Variants in SLCO5A1 observed in about 807,000 individuals in gnomAD.
The protein encoded by SLCO5A1 is solute carrier organic anion transporter family member 5A1.
In SLCO5A1, 39 loss-of-function variants were observed where a neutral mutation model predicts 65.1. The ratio of observed to expected loss-of-function variants is 0.60; its 90% CI spans 0.46 to 0.78. The LOEUF is 0.78. SLCO5A1 is among the 30% of genes least tolerant of loss of function. SLCO5A1 has a pLI of 0.00. For missense variants in SLCO5A1, 1,029 were observed against 1,069.4 expected, an observed-to-expected ratio of 0.96 and a Z score of 0.53; for synonymous variants, 438 against 415.7, an observed-to-expected ratio of 1.05 and a Z score of -0.65.
chr8:69,788,189 CAATT>C (rs1819116633), intron 2 of SLCO5A1, among the ~76,000 whole-genome samples: 1 of 152,178 alleles, frequency 6.6e-6, no homozygotes, highest in South Asian at 2.1e-4. Flanking sequence ...TACACACTAA[CAATT>C]ACCCCATTAA....
At chr8:69,686,023 A>G (rs1422390491) in intron 6 of SLCO5A1, among the ~76,000 whole-genome samples, 1 of 152,136 alleles carries the variant, frequency 6.6e-6, no homozygotes, top group Non-Finnish European at 1.5e-5. Flanking sequence ...ACCCTACCCC[A>G]AGATCTAAAG....
intron 3 of SLCO5A1, among the ~76,000 whole-genome samples, chr8:69,756,632 A>C (rs1230192872): frequency 1.3e-5 from 2 of 152,252 alleles, no homozygotes; most frequent in Admixed American, 6.5e-5. Flanking sequence ...ACCAAAATTC[A>C]GAGAGGGGAA....
chr8:69,756,214 G>C (rs1276237714), intron 3 of SLCO5A1, among the ~76,000 whole-genome samples: 1 of 152,158 alleles, frequency 6.6e-6, no homozygotes, highest in Non-Finnish European at 1.5e-5. Flanking sequence ...AGACCAGCCT[G>C]GCCAACATGG....
intron 5 of SLCO5A1, among the ~76,000 whole-genome samples, chr8:69,736,196 C>T (rs1313667514): frequency 6.6e-6 from 1 of 152,216 alleles, no homozygotes; most frequent in Non-Finnish European, 1.5e-5. Flanking sequence ...ACTTTCCTGG[C>T]CAAGTGGGAC....
At chr8:69,696,974 C>A (rs1267025974) in intron 6 of SLCO5A1, among the ~76,000 whole-genome samples, 3 of 151,838 alleles carry the variant, frequency 2.0e-5, no homozygotes. Flanking sequence ...CAAAAGCATG[C>A]AATATGAGAG....
intron 5 of SLCO5A1, among the ~76,000 whole-genome samples, chr8:69,735,716 T>C (rs1034698021): frequency 1.3e-5 from 2 of 152,060 alleles, no homozygotes; most frequent in African/African-American, 4.8e-5. Context: ...CTAATGCATG[T>C]GGGGCTTAAT....
chr8:69,774,665 A>T (rs1026328424), intron 2 of SLCO5A1, among the ~76,000 whole-genome samples: 1 of 152,186 alleles, frequency 6.6e-6, no homozygotes, highest in African/African-American at 2.4e-5. Context: ...GTCCAGTCTC[A>T]GGGTCTGGGA....
intron 6 of SLCO5A1, among the ~76,000 whole-genome samples, chr8:69,688,332 A>T (rs528463015): frequency 1.1e-3 from 164 of 150,856 alleles, no homozygotes; most frequent in African/African-American, 3.1e-3. Flanking sequence ...TGGTGCTAAA[A>T]TTTTTTTTTT....
intron 2 of SLCO5A1, among the ~76,000 whole-genome samples, chr8:69,814,160 G>A (rs899729381): frequency 6.6e-6 from 1 of 152,104 alleles, no homozygotes; most frequent in Non-Finnish European, 1.5e-5. Context: ...GACCCCAAAA[G>A]TGCAGGCAAC....
chr8:69,683,797 G>A (rs373538380), intron 6 of SLCO5A1, among the ~76,000 whole-genome samples: 26 of 152,126 alleles, frequency 1.7e-4, no homozygotes, highest in African/African-American at 4.3e-4. Flanking sequence ...TCCTAACCTC[G>A]TGATCCACTC....
At chr8:69,712,258 G>T (rs966626070) in intron 5 of SLCO5A1, among the ~76,000 whole-genome samples, 1 of 152,094 alleles carries the variant, frequency 6.6e-6, no homozygotes, top group Non-Finnish European at 1.5e-5. Flanking sequence ...GACATTAATT[G>T]TCCTACTTTC....
Position 69,810,102 on chromosome 8 carries a change from G to C in SLCO5A1, c.907+21665C>G, listed in dbSNP as rs115701375. On this transcript the variant is annotated intron_variant, in intron 2 of 9. Transcript: ENST00000260126. The stretch of plus-strand genomic sequence containing the variant: ...TCTGATTTCCATGCCAGGACAAAAA[G>C]GTTCCAGTGCCCCAGGCCCAGGTGG... Among the ~76,000 whole-genome samples, 1,432 of 152,248 alleles carry C rather than the reference G, an allele frequency of 9.4e-3. 21 individuals are homozygous for C. The highest frequency in any genetic ancestry group is 0.032 in the African/African-American group (1,342 of 41,538).
chr8:69,772,299 T>G (rs1176471247), intron 2 of SLCO5A1, among the ~76,000 whole-genome samples: 1 of 151,850 alleles, frequency 6.6e-6, no homozygotes, highest in Non-Finnish European at 1.5e-5. Flanking sequence ...GGCAGGAGGA[T>G]CATTTGAGTC....
intron 5 of SLCO5A1, among the ~76,000 whole-genome samples, chr8:69,716,887 C>G (rs961401647): frequency 6.6e-6 from 1 of 151,744 alleles, no homozygotes; most frequent in African/African-American, 2.4e-5. Flanking sequence ...CCAAGCAATT[C>G]TCCCTCCTCA....
intron 5 of SLCO5A1, among the ~76,000 whole-genome samples, chr8:69,710,801 G>C (rs141820963): frequency 1.8e-3 from 272 of 152,178 alleles, no homozygotes; most frequent in Non-Finnish European, 3.1e-3. Context: ...ACACCAAACA[G>C]AGTGAAGACC....
chr8:69,766,035 C>T (rs1259289329), intron 2 of SLCO5A1, among the ~76,000 whole-genome samples: 5 of 152,124 alleles, frequency 3.3e-5, no homozygotes, highest in Non-Finnish European at 7.4e-5. Context: ...TGCATAGGTA[C>T]TATTAGTCTC....
chr8:69,743,394 C>T (rs1489269076), intron 4 of SLCO5A1, among the ~76,000 whole-genome samples: 4 of 151,916 alleles, frequency 2.6e-5, no homozygotes, highest in Non-Finnish European at 5.9e-5. Context: ...CCTCTTTTGC[C>T]CAGACCAGTA....
intron 2 of SLCO5A1, among the ~76,000 whole-genome samples, chr8:69,790,456 C>A (rs982768248): frequency 1.3e-5 from 2 of 151,916 alleles, no homozygotes; most frequent in Non-Finnish European, 2.9e-5. Context: ...CACTTAATAT[C>A]CCTAATAAAT....
At chr8:69,800,823 G>C (rs4130258) in intron 2 of SLCO5A1, among the ~76,000 whole-genome samples, 26 of 152,258 alleles carry the variant, frequency 1.7e-4, no homozygotes, top group African/African-American at 5.5e-4. Flanking sequence ...CAGAGGAAAA[G>C]GGTGTTCCCC....
Sources: allele counts gnomAD v4.1 joint callset (sites outside exome capture counted in the v4.1 genomes callset), GRCh38; gene constraint gnomAD v4.1.1; transcripts MANE v1.5; gene names NCBI Gene and HGNC (gene_info 2026-07-23, HGNC 2026-07-21).